The following RAD51B variants were observed in gnomAD, a reference collection of about 807,000 sequenced individuals.
RAD51B encodes the protein DNA repair protein RAD51 homolog 2.
In RAD51B, 38 loss-of-function variants were observed where a neutral mutation model predicts 42.2. That is an observed-to-expected ratio of 0.90 (90% CI 0.70 to 1.18). RAD51B has a LOEUF of 1.18. Among genes scored for constraint, RAD51B ranks in the 50% most tolerant of loss-of-function variants. The pLI, the probability that RAD51B is intolerant of heterozygous loss-of-function variation, is 0.00. For missense variants in RAD51B, 373 were observed against 400.7 expected (o/e 0.93, Z 0.59); for synonymous variants, 154 against 145.2 (o/e 1.06, Z -0.43).
In RAD51B at chr14:67,893,346, G is replaced by A. The variant is rs139633894; in HGVS notation, c.756+6142G>A. 4.9e-3 allele frequency among the ~76,000 whole-genome samples: 743 copies of A among 151,870 alleles called. 2 individuals are homozygous for A. The highest frequency in any genetic ancestry group is 9.3e-3 in the Admixed American group (141 of 15,242). ...AAAAAAAGAAAAGGAGGTCAGGTGT[G>A]CTGGATCACACCTGAAATCCCAGCA... On this transcript the variant is annotated intron_variant, in intron 7 of 10. Transcript: ENST00000471583.
chr14:68,326,735 A>C (rs1194985794), intron 8 of RAD51B, among the ~76,000 whole-genome samples: 1 of 152,236 alleles, frequency 6.6e-6, no homozygotes. Context: ...TTTTCAACCT[A>C]AAATATTACA....
At chr14:68,460,694 G>T (rs1357473108) in intron 9 of RAD51B, among the ~76,000 whole-genome samples, 1 of 152,198 alleles carries the variant, frequency 6.6e-6, no homozygotes, top group African/African-American at 2.4e-5. Flanking sequence ...CTGTTCTGTG[G>T]CTCCTTTTCC....
At chr14:68,677,313 C>T (rs903718395) in intron 11 of RAD51B, among the ~76,000 whole-genome samples, 3 of 152,158 alleles carry the variant, frequency 2.0e-5, no homozygotes, top group Admixed American at 6.5e-5. Context: ...ATTTGGGCCC[C>T]GCTTGGAGGC....
At chr14:68,534,459 A>G (rs1395569865) in intron 10 of RAD51B, among the ~76,000 whole-genome samples, 1 of 152,168 alleles carries the variant, frequency 6.6e-6, no homozygotes, top group Non-Finnish European at 1.5e-5. Flanking sequence ...ATAAAGGAGG[A>G]GAAAGGGTTT....
intron 8 of RAD51B, among the ~76,000 whole-genome samples, chr14:68,409,647 A>G (rs1243557716): frequency 6.6e-6 from 1 of 152,200 alleles, no homozygotes; most frequent in Non-Finnish European, 1.5e-5. Flanking sequence ...AGGCCAGGGA[A>G]GTCAGGAGGT....
At chr14:68,465,940 C>CAAAAAAAAA (rs59348577) in intron 9 of RAD51B, among the ~76,000 whole-genome samples, 2 of 129,310 alleles carry the variant, frequency 1.5e-5, no homozygotes, top group African/African-American at 3.2e-5. Context: ...GACTCTGTCT[C>CAAAAAAAAA]AAAAAAAAAA....
chr14:68,446,658 T>G (rs2085428004), intron 9 of RAD51B, among the ~76,000 whole-genome samples: 1 of 152,194 alleles, frequency 6.6e-6, no homozygotes, highest in Admixed American at 6.5e-5. Context: ...TGTGGCTGTC[T>G]TTGCCACCAT....
chr14:67,850,032 CT>C (rs1254088266), intron 4 of RAD51B, among the ~76,000 whole-genome samples: 1 of 152,144 alleles, frequency 6.6e-6, no homozygotes, highest in African/African-American at 2.4e-5. Context: ...CAGGTTCTCA[CT>C]CTTTTGCACA....
intron 7 of RAD51B, among the ~76,000 whole-genome samples, chr14:68,125,914 A>G (rs1287035730): frequency 6.6e-6 from 1 of 152,202 alleles, no homozygotes; most frequent in African/African-American, 2.4e-5. Flanking sequence ...CCAACGTCCC[A>G]TAGGATCACA....
At chr14:68,018,652 T>C (rs1233855825) in intron 7 of RAD51B, among the ~76,000 whole-genome samples, 2 of 152,234 alleles carry the variant, frequency 1.3e-5, no homozygotes, top group East Asian at 1.9e-4. Flanking sequence ...TTCTATCTTA[T>C]TCATTTTACT....
At chr14:68,513,943 G>A (rs1275503546) in intron 10 of RAD51B, among the ~76,000 whole-genome samples, 1 of 152,228 alleles carries the variant, frequency 6.6e-6, no homozygotes, top group African/African-American at 2.4e-5. Context: ...AGGAAGCTCT[G>A]TTGAACAGTT....
At chr14:68,679,693 C>A (rs984202159) in intron 11 of RAD51B, among the ~76,000 whole-genome samples, 12 of 152,226 alleles carry the variant, frequency 7.9e-5, no homozygotes, top group African/African-American at 2.9e-4. Flanking sequence ...GTTTATTTTT[C>A]ACATTCCTGT....
chr14:67,903,230 C>T (rs1487200573), intron 7 of RAD51B, among the ~76,000 whole-genome samples: 1 of 152,048 alleles, frequency 6.6e-6, no homozygotes, highest in African/African-American at 2.4e-5. Flanking sequence ...CTTATTTGAT[C>T]GTTTATTTGT....
chr14:68,537,325 C>T (rs28454359), intron 10 of RAD51B, among the ~76,000 whole-genome samples: 31,026 of 151,580 alleles, frequency 0.2, 3,434 homozygotes, highest in Middle Eastern at 0.36. Flanking sequence ...GGTGAAACCC[C>T]GTCTCTACTA....
intron 7 of RAD51B, among the ~76,000 whole-genome samples, chr14:68,027,739 C>A (rs1413566667): frequency 1.3e-5 from 2 of 152,258 alleles, no homozygotes; most frequent in East Asian, 3.9e-4. Flanking sequence ...GCTCTTGGAT[C>A]ATTTTACTGG....
intron 9 of RAD51B, among the ~76,000 whole-genome samples, chr14:68,435,927 C>T (rs930514189): frequency 6.6e-6 from 1 of 152,042 alleles, no homozygotes; most frequent in African/African-American, 2.4e-5. Context: ...GGATATTAGA[C>T]CTTTGTCAGA....
intron 7 of RAD51B, among the ~76,000 whole-genome samples, chr14:67,910,341 G>A (rs1177051725): frequency 1.4e-5 from 1 of 72,742 alleles, no homozygotes; most frequent in African/African-American, 1.2e-4. Context: ...AGGAGGCGGA[G>A]CTTGCAGTGA....
intron 7 of RAD51B, among the ~76,000 whole-genome samples, chr14:68,091,388 G>A (rs1343631544): frequency 3.3e-5 from 5 of 152,002 alleles, no homozygotes; most frequent in East Asian, 1.9e-4. Flanking sequence ...TTTAATGATC[G>A]CCATACTAAC....
chr14:68,562,003 C>T, intron 10 of RAD51B: 1 of 985,414 alleles, frequency 1.0e-6, no homozygotes, highest in Middle Eastern at 5.2e-4. Flanking sequence ...CTCAGAGCTG[C>T]TCCTGTCTGC....
Sources: gnomAD v4.1 joint callset for allele counts (sites outside exome capture counted in the v4.1 genomes callset) on GRCh38, gnomAD v4.1.1 for gene constraint, MANE v1.5 for transcripts, NCBI Gene and HGNC (gene_info 2026-07-23, HGNC 2026-07-21) for gene names.